CLVS1: variants seen among roughly 807,000 people sequenced by gnomAD.
CLVS1 encodes the protein clavesin 1.
Under a neutral mutation model 33.1 loss-of-function variants are expected in CLVS1, and 10 were observed. That is an observed-to-expected ratio of 0.30 (90% CI 0.19 to 0.51). The LOEUF is 0.51. Ranked by LOEUF, CLVS1 falls within the 20% of genes least tolerant of loss-of-function variation. The pLI is 0.97. For missense variants in CLVS1, 343 were observed against 433.4 expected (o/e 0.79, Z 1.85); for synonymous variants, 163 against 166.1 (o/e 0.98, Z 0.14).
chr8:61,062,624 A>G (rs1287124498), intron 1 of CLVS1, among the ~76,000 whole-genome samples: 3 of 152,232 alleles, frequency 2.0e-5, no homozygotes, highest in Non-Finnish European at 4.4e-5. Flanking sequence ...AAGGAAGTCT[A>G]TGGCAGGATC....
intron 1 of CLVS1, among the ~76,000 whole-genome samples, chr8:61,102,997 G>C (rs1232499415): frequency 6.6e-6 from 1 of 152,196 alleles, no homozygotes; most frequent in African/African-American, 2.4e-5. Flanking sequence ...GGTAGGCAAT[G>C]ATAGTAGATC....
intron 5 of CLVS1, among the ~76,000 whole-genome samples, chr8:61,483,963 A>G (rs1325032892): frequency 6.6e-6 from 1 of 152,170 alleles, no homozygotes; most frequent in Non-Finnish European, 1.5e-5. Flanking sequence ...TGAGCTATTT[A>G]TGAAAAACCC....
intron 2 of CLVS1, among the ~76,000 whole-genome samples, chr8:61,326,930 CT>C (rs1811405766): frequency 6.6e-6 from 1 of 152,112 alleles, no homozygotes; most frequent in South Asian, 2.1e-4. Flanking sequence ...CTGATTTTAT[CT>C]TTTAATTCTC....
chr8:61,491,286 C>T (rs1224193383), intron 5 of CLVS1, among the ~76,000 whole-genome samples: 1 of 152,142 alleles, frequency 6.6e-6, no homozygotes, highest in Non-Finnish European at 1.5e-5. Context: ...CATTGTTTTA[C>T]ATGGGATCAG....
At chr8:60,992,843 G>T in the CLVS1 span, among the ~76,000 whole-genome samples, 1 of 152,210 alleles carries the variant, frequency 6.6e-6, no homozygotes, top group Admixed American at 6.5e-5. Context: ...AATTTGAGAA[G>T]TGTTTCAGAG....
At chr8:61,445,883 A>G (rs1390804220) in intron 3 of CLVS1, among the ~76,000 whole-genome samples, 3 of 152,092 alleles carry the variant, frequency 2.0e-5, no homozygotes, top group African/African-American at 7.2e-5. Flanking sequence ...CATATTGGAG[A>G]AGTAGTTTAT....
intron 5 of CLVS1, among the ~76,000 whole-genome samples, chr8:61,498,101 T>G (rs1047792620): frequency 1.3e-5 from 2 of 152,212 alleles, no homozygotes; most frequent in Non-Finnish European, 2.9e-5. Context: ...GGAATGCATC[T>G]CAGCAGGCTT....
chr8:61,483,719 A>C (rs903554615), intron 5 of CLVS1, among the ~76,000 whole-genome samples: 33 of 152,238 alleles, frequency 2.2e-4, no homozygotes, highest in Non-Finnish European at 4.8e-4. Flanking sequence ...GGCAAACTGA[A>C]TGCAGCAGCA....
chr8:61,174,978 A>G (rs533750634), intron 2 of CLVS1, among the ~76,000 whole-genome samples: 3 of 94,778 alleles, frequency 3.2e-5, no homozygotes, highest in Non-Finnish European at 6.9e-5. Context: ...CAAGAAATTC[A>G]GTTTTATTAT....
the CLVS1 span, among the ~76,000 whole-genome samples, chr8:60,982,695 C>T: frequency 2.0e-5 from 3 of 152,294 alleles, no homozygotes; most frequent in Middle Eastern, 3.4e-3. Flanking sequence ...AGGTTTTTAA[C>T]TGCAGCCTGA....
At chr8:61,397,702 A>G (rs1418768458) in intron 3 of CLVS1, among the ~76,000 whole-genome samples, 1 of 152,162 alleles carries the variant, frequency 6.6e-6, no homozygotes, top group African/African-American at 2.4e-5. Flanking sequence ...GTAGGGCTCC[A>G]ACTTTATTCT....
At chr8:61,310,481 C>T (rs1810792432) in intron 2 of CLVS1, among the ~76,000 whole-genome samples, 1 of 152,146 alleles carries the variant, frequency 6.6e-6, no homozygotes, top group Admixed American at 6.5e-5. Context: ...AACTCATTCA[C>T]CAAATCTGGG....
the CLVS1 span, among the ~76,000 whole-genome samples, chr8:61,015,404 T>C: frequency 6.6e-6 from 1 of 152,252 alleles, no homozygotes; most frequent in Non-Finnish European, 1.5e-5. Flanking sequence ...GGTTTGTATT[T>C]GTTAAATGGA....
chr8:61,030,101 C>T, the CLVS1 span, among the ~76,000 whole-genome samples: 1 of 152,248 alleles, frequency 6.6e-6, no homozygotes, highest in African/African-American at 2.4e-5. Context: ...GTGGACTAGG[C>T]ACACCCTGGT....
chr8:61,177,804 A>G (rs1807147710), intron 2 of CLVS1, among the ~76,000 whole-genome samples: 1 of 62,780 alleles, frequency 1.6e-5, no homozygotes, highest in African/African-American at 9.6e-5. Context: ...AACAGCATCA[A>G]AAAAAAAAAA....
chr8:61,072,117 C>T (rs1249284443), intron 1 of CLVS1, among the ~76,000 whole-genome samples: 1 of 152,196 alleles, frequency 6.6e-6, no homozygotes, highest in African/African-American at 2.4e-5. Flanking sequence ...GGATGCTTTT[C>T]TCCATGTGAT....
intron 1 of CLVS1, among the ~76,000 whole-genome samples, chr8:61,289,575 G>C (rs994216819): frequency 6.6e-6 from 1 of 152,122 alleles, no homozygotes; most frequent in African/African-American, 2.4e-5. Flanking sequence ...AATTAAAAAC[G>C]AGATTATTTA....
At chr8:61,278,534 G>T in intron 2 of CLVS1, among the ~76,000 whole-genome samples, 1 of 152,142 alleles carries the variant, frequency 6.6e-6, no homozygotes, top group African/African-American at 2.4e-5. Flanking sequence ...TTATAACTTG[G>T]AGGTGTTGGA....
chr8:61,107,958 C>T (rs62524515), intron 1 of CLVS1, among the ~76,000 whole-genome samples: 26,431 of 152,020 alleles, frequency 0.17, 2,471 homozygotes, highest in Admixed American at 0.3. Flanking sequence ...CTAGACACTT[C>T]GGATTCATCA....
Sources: gnomAD v4.1 joint callset for allele counts (sites outside exome capture counted in the v4.1 genomes callset) on GRCh38, gnomAD v4.1.1 for gene constraint, MANE v1.5 for transcripts, NCBI Gene and HGNC (gene_info 2026-07-23, HGNC 2026-07-21) for gene names.